KLHL29: variants seen among roughly 807,000 people sequenced by gnomAD.
KLHL29 encodes kelch-like protein 29.
A neutral mutation model predicts 80.4 loss-of-function variants in KLHL29; 21 were observed. The ratio of observed to expected loss-of-function variants is 0.26; its 90% CI spans 0.19 to 0.38. The LOEUF is 0.38. Among genes scored for constraint, KLHL29 ranks in the 10% least tolerant of loss-of-function variants. The pLI, the probability that KLHL29 is intolerant of heterozygous loss-of-function variation, is 1.00. For synonymous variants in KLHL29, 511 were observed against 526.8 expected, an observed-to-expected ratio of 0.97 and a Z score of 0.41; for missense variants, 867 against 1,223.9, an observed-to-expected ratio of 0.71 and a Z score of 4.35.
chr2:23,614,316 A>G (rs1226671603), intron 3 of KLHL29, among the ~76,000 whole-genome samples: 2 of 152,206 alleles, frequency 1.3e-5, no homozygotes, highest in South Asian at 4.1e-4. Context: ...TGTCACTGGC[A>G]TGCGTCCTTA....
At chr2:23,437,105 C>T (rs551616535) in intron 1 of KLHL29, among the ~76,000 whole-genome samples, 7 of 152,280 alleles carry the variant, frequency 4.6e-5, no homozygotes, top group South Asian at 2.1e-4. Context: ...ATTGAAAGCC[C>T]GGGTTCAGCG....
intron 2 of KLHL29, among the ~76,000 whole-genome samples, chr2:23,499,091 T>C (rs1432989935): frequency 6.6e-6 from 1 of 152,224 alleles, no homozygotes; most frequent in East Asian, 1.9e-4. Flanking sequence ...TCTCTCTTGC[T>C]GCATGAAGTT....
intron 1 of KLHL29, among the ~76,000 whole-genome samples, chr2:23,464,415 G>T (rs542559721): frequency 1.3e-5 from 2 of 152,234 alleles, no homozygotes; most frequent in African/African-American, 2.4e-5. Context: ...GCTGCCTTCG[G>T]GGGGGATAAC....
At chr2:23,447,041 G>A (rs1663716074) in intron 1 of KLHL29, among the ~76,000 whole-genome samples, 2 of 152,218 alleles carry the variant, frequency 1.3e-5, no homozygotes, top group African/African-American at 4.8e-5. Context: ...AGTGAGATAG[G>A]AATAAATGCA....
chr2:23,645,079 A>G (rs1035589780), intron 5 of KLHL29, among the ~76,000 whole-genome samples: 2 of 152,196 alleles, frequency 1.3e-5, no homozygotes, highest in Non-Finnish European at 1.5e-5. Context: ...GCACGCGCCT[A>G]CAAATGCCTC....
At chr2:23,406,710 C>G (rs1489456572) in intron 1 of KLHL29, among the ~76,000 whole-genome samples, 3 of 152,158 alleles carry the variant, frequency 2.0e-5, no homozygotes, top group African/African-American at 7.2e-5. Flanking sequence ...GTCACAATAT[C>G]CACCCTGGTC....
At chr2:23,688,451 C>G (rs1671379372) in intron 6 of KLHL29, among the ~76,000 whole-genome samples, 1 of 152,210 alleles carries the variant, frequency 6.6e-6, no homozygotes, top group South Asian at 2.1e-4. Context: ...GGATGAGGGC[C>G]TCCATCCTGA....
intron 2 of KLHL29, among the ~76,000 whole-genome samples, chr2:23,515,420 C>T (rs1665891181): frequency 6.6e-6 from 1 of 152,210 alleles, no homozygotes; most frequent in Non-Finnish European, 1.5e-5. Context: ...ACCCCTTCTT[C>T]ACCTGGCTTC....
chr2:23,413,487 G>A (rs1056334946), intron 1 of KLHL29, among the ~76,000 whole-genome samples: 3 of 152,100 alleles, frequency 2.0e-5, no homozygotes, highest in African/African-American at 4.8e-5. Context: ...TGCCATCACC[G>A]GGCAGAGGTT....
intron 1 of KLHL29, among the ~76,000 whole-genome samples, chr2:23,471,796 C>A (rs1664501545): frequency 6.6e-6 from 1 of 152,130 alleles, no homozygotes; most frequent in South Asian, 2.1e-4. Context: ...GATAGAAAAC[C>A]ATACCTGCCT....
chr2:23,527,586 G>C (rs1666365105), intron 2 of KLHL29, among the ~76,000 whole-genome samples: 1 of 152,246 alleles, frequency 6.6e-6, no homozygotes, highest in South Asian at 2.1e-4. Context: ...CACAGAGCTA[G>C]AGCCTTTCTC....
chr2:23,539,357 T>C (rs1666766920), intron 2 of KLHL29, among the ~76,000 whole-genome samples: 1 of 151,816 alleles, frequency 6.6e-6, no homozygotes, highest in African/African-American at 2.4e-5. Context: ...CTCAAAAATA[T>C]GTCTGTATAT....
At chr2:23,633,180 G>A (rs889247457) in intron 3 of KLHL29, among the ~76,000 whole-genome samples, 1 of 152,206 alleles carries the variant, frequency 6.6e-6, no homozygotes, top group Admixed American at 6.5e-5. Flanking sequence ...GGTACAGGGA[G>A]CTTTGTCTGG....
intron 3 of KLHL29, among the ~76,000 whole-genome samples, chr2:23,593,194 TC>T (rs1016932939): frequency 6.6e-6 from 1 of 152,204 alleles, no homozygotes; most frequent in African/African-American, 2.4e-5. Context: ...CCAGCGTGCC[TC>T]CTCTGGTGGC....
In KLHL29 at chr2:23,647,965, G is replaced by A. The variant is rs1669984397; in HGVS notation, c.940+5115G>A. Reference sequence around the variant, plus strand: ...GATGCCCCAGAAGCGTCTGATGAATGTGGGCACAAAGCACTGAGCTGAGAA... The same window carrying A: ...GATGCCCCAGAAGCGTCTGATGAATATGGGCACAAAGCACTGAGCTGAGAA... On this transcript the variant is annotated intron_variant, in intron 5 of 13. Transcript: ENST00000486442. This position sits in a 1 kb window ranked among gnomAD's most constrained non-coding sequence, Gnocchi z 4.9. Among the ~76,000 whole-genome samples the A allele has an allele frequency of 6.6e-6, 1 of 152,124 alleles. No individual in the cohort carries two copies. Among genetic ancestry groups the A allele is most frequent in the Non-Finnish European group, 1.5e-5 (1 of 68,022 alleles).
intron 5 of KLHL29, among the ~76,000 whole-genome samples, chr2:23,678,831 T>C (rs1670993441): frequency 6.6e-6 from 1 of 152,182 alleles, no homozygotes; most frequent in Admixed American, 6.5e-5. Flanking sequence ...TATTGCATAA[T>C]TCCACTTATA....
intron 1 of KLHL29, among the ~76,000 whole-genome samples, chr2:23,468,529 C>T (rs1014462515): frequency 2.6e-5 from 4 of 152,294 alleles, no homozygotes; most frequent in African/African-American, 9.6e-5. Context: ...AGGGGTGGGG[C>T]TTCAAGAGAC....
chr2:23,512,181 C>T (rs756418876), intron 2 of KLHL29, among the ~76,000 whole-genome samples: 25 of 152,160 alleles, frequency 1.6e-4, no homozygotes, highest in Non-Finnish European at 2.8e-4. Flanking sequence ...CGCGGTGGCT[C>T]ACACCTGTAA....
chr2:23,685,028 C>A (rs1183514003), intron 6 of KLHL29, among the ~76,000 whole-genome samples: 1 of 152,234 alleles, frequency 6.6e-6, no homozygotes, highest in Non-Finnish European at 1.5e-5. Context: ...GCCCCCGGGG[C>A]TGCTTTTCCC....
Sources: gnomAD v4.1 joint callset for allele counts (sites outside exome capture counted in the v4.1 genomes callset) on GRCh38, gnomAD v4.1.1 for gene constraint, Gnocchi (gnomAD v3.1) non-coding constraint, MANE v1.5 for transcripts, NCBI Gene and HGNC (gene_info 2026-07-23, HGNC 2026-07-21) for gene names.